The following TRMT11 variants were observed in gnomAD, a reference collection of about 807,000 sequenced individuals.
TRMT11 encodes tRNA (guanine(10)-N(2))-methyltransferase TRMT11.
A neutral mutation model predicts 62.8 loss-of-function variants in TRMT11; 53 were observed. The ratio of observed to expected loss-of-function variants is 0.84; its 90% CI spans 0.68 to 1.06. The LOEUF (loss-of-function observed/expected upper bound fraction) is 1.06. TRMT11 is among the 50% of genes least tolerant of loss of function. The pLI, the probability that TRMT11 is intolerant of heterozygous loss-of-function variation, is 0.00. For missense variants in TRMT11, 556 were observed against 553.4 expected (o/e 1.00, Z -0.05); for synonymous variants, 188 against 190.3 (o/e 0.99, Z 0.10).
At chr6:126,158,610 A>G (rs998851560) in intron 21 of TRMT11, among the ~76,000 whole-genome samples, 1 of 152,222 alleles carries the variant, frequency 6.6e-6, no homozygotes, top group African/African-American at 2.4e-5. Flanking sequence ...TGTCAGGCAA[A>G]TAGGAGACAA....
At chr6:126,012,378 C>T (rs1794347250) in intron 9 of TRMT11, among the ~76,000 whole-genome samples, 1 of 152,014 alleles carries the variant, frequency 6.6e-6, no homozygotes. Context: ...ATACAGTTAT[C>T]AAGTTCAGTA....
chr6:126,088,447 A>G (rs1033768006), intron 17 of TRMT11, among the ~76,000 whole-genome samples: 1 of 152,226 alleles, frequency 6.6e-6, no homozygotes, highest in Non-Finnish European at 1.5e-5. Flanking sequence ...AGGTGTAAGG[A>G]GTTTTAAAAG....
At chr6:126,003,230 A>T (rs1027536148) in intron 7 of TRMT11, among the ~76,000 whole-genome samples, 1 of 152,216 alleles carries the variant, frequency 6.6e-6, no homozygotes, top group East Asian at 1.9e-4. Flanking sequence ...ATGTGGCCTG[A>T]TACAAACTTG....
At chr6:126,051,145 A>G (rs1776206215) in intron 16 of TRMT11, among the ~76,000 whole-genome samples, 1 of 152,184 alleles carries the variant, frequency 6.6e-6, no homozygotes, top group Admixed American at 6.5e-5. Context: ...TATTATTTAT[A>G]CCAAAGAGTG....
At chr6:126,172,521 TCAA>T, upstream of TRMT11, among the ~76,000 whole-genome samples, 1 of 152,350 alleles carries the variant, frequency 6.6e-6, no homozygotes, top group East Asian at 1.9e-4. Flanking sequence ...ACATAAAGCC[TCAA>T]CAAATATTTC....
At chr6:126,205,048 AAATTATTATAATCAGC>A (rs758539379), downstream of TRMT11, among the ~76,000 whole-genome samples, 21 of 152,356 alleles carry the variant, frequency 1.4e-4, no homozygotes, top group Non-Finnish European at 2.6e-4. Context: ...AAAAATGTAG[AAATTATTATAATCAGC>A]AATACATTTT....
chr6:126,191,629 A>T (rs1330704147), intron 1 of TRMT11, among the ~76,000 whole-genome samples: 1 of 151,942 alleles, frequency 6.6e-6, no homozygotes, highest in Admixed American at 6.6e-5. Context: ...TGTATATTGT[A>T]TAAGATGGGT....
At chr6:126,003,335 ATTC>A (rs1354579428) in intron 7 of TRMT11, among the ~76,000 whole-genome samples, 3 of 152,086 alleles carry the variant, frequency 2.0e-5, no homozygotes, top group Non-Finnish European at 4.4e-5. Flanking sequence ...GCCCAAGACA[ATTC>A]TTCTTCGAAT....
chr6:126,015,099 C>G (rs1167623119), intron 11 of TRMT11, among the ~76,000 whole-genome samples: 1 of 151,326 alleles, frequency 6.6e-6, no homozygotes, highest in East Asian at 1.9e-4. Context: ...AAAAAAAATA[C>G]TGTGAAGTAA....
the TRMT11 span, among the ~76,000 whole-genome samples, chr6:126,209,868 C>T: frequency 6.6e-6 from 1 of 152,198 alleles, no homozygotes; most frequent in African/African-American, 2.4e-5. Flanking sequence ...CTATATCAAT[C>T]TCAGTCATCT....
chr6:126,271,492 T>C, the TRMT11 span, among the ~76,000 whole-genome samples: 6 of 151,692 alleles, frequency 4.0e-5, no homozygotes, highest in African/African-American at 1.2e-4. Context: ...GGTTTATATA[T>C]ATATATATAT....
intron 17 of TRMT11, among the ~76,000 whole-genome samples, chr6:126,060,171 A>G (rs997196315): frequency 2.0e-5 from 3 of 152,186 alleles, no homozygotes; most frequent in Non-Finnish European, 4.4e-5. Flanking sequence ...TTTCCTCTTC[A>G]TGAGCAGGTT....
At chr6:126,180,118 T>C (rs1778441011) in intron 1 of TRMT11, among the ~76,000 whole-genome samples, 1 of 152,190 alleles carries the variant, frequency 6.6e-6, no homozygotes, top group Non-Finnish European at 1.5e-5. Flanking sequence ...AAGATATAAC[T>C]TTATAGACAA....
intron 1 of TRMT11, among the ~76,000 whole-genome samples, chr6:126,187,330 A>C (rs1422574633): frequency 2.0e-5 from 3 of 152,032 alleles, no homozygotes; most frequent in Non-Finnish European, 2.9e-5. Flanking sequence ...TAACAATTGG[A>C]AAACAATACT....
chr6:126,249,170 A>G, the TRMT11 span, among the ~76,000 whole-genome samples: 3 of 152,170 alleles, frequency 2.0e-5, no homozygotes, highest in Non-Finnish European at 4.4e-5. Flanking sequence ...GCAAATTAGA[A>G]CAGGGAGTAT....
chr6:126,076,338 C>T (rs921067190), intron 17 of TRMT11, among the ~76,000 whole-genome samples: 1 of 152,136 alleles, frequency 6.6e-6, no homozygotes, highest in African/African-American at 2.4e-5. Flanking sequence ...GCCTATGTGA[C>T]AATAATTGTG....
At chr6:126,258,295 TG>T in the TRMT11 span, 1 of 471,612 alleles carries the variant, frequency 2.1e-6, no homozygotes, top group South Asian at 1.7e-5. Flanking sequence ...CACGTGGTCC[TG>T]AGCCACCACT....
At chr6:126,192,549 C>A (rs1242863511) in intron 1 of TRMT11, among the ~76,000 whole-genome samples, 1 of 152,088 alleles carries the variant, frequency 6.6e-6, no homozygotes, top group African/African-American at 2.4e-5. Flanking sequence ...CTCAGTTTTT[C>A]CCTTTTCAGT....
At chr6:126,037,040 T>C (rs1394710861) in intron 12 of TRMT11, among the ~76,000 whole-genome samples, 1 of 152,050 alleles carries the variant, frequency 6.6e-6, no homozygotes, top group Non-Finnish European at 1.5e-5. Flanking sequence ...CATCCAGTTC[T>C]ACTTCTTTCT....
Sources: gnomAD v4.1 joint callset for allele counts (sites outside exome capture counted in the v4.1 genomes callset) on GRCh38, gnomAD v4.1.1 for gene constraint, MANE v1.5 for transcripts, NCBI Gene and HGNC (gene_info 2026-07-23, HGNC 2026-07-21) for gene names.